Variants in DNAH6 observed in about 807,000 individuals in gnomAD.
The protein encoded by DNAH6 is axonemal beta dynein heavy chain 6.
In DNAH6, 340 loss-of-function variants were observed where a neutral mutation model predicts 491.4. The observed-to-expected ratio is 0.69, with a 90% CI of 0.63 to 0.76. DNAH6 has a LOEUF of 0.76. Among genes scored for constraint, DNAH6 ranks in the 30% least tolerant of loss-of-function variants. The pLI is 0.00. For synonymous variants in DNAH6, 1,603 were observed against 1,686.1 expected (o/e 0.95, Z 1.21); for missense variants, 4,443 against 4,972.2 (o/e 0.89, Z 3.20).
chr2:84,708,346 G>A (rs1008200193), intron 54 of DNAH6, among the ~76,000 whole-genome samples: 2 of 151,744 alleles, frequency 1.3e-5, no homozygotes, highest in African/African-American at 2.4e-5. Context: ...TGGGGAGGCC[G>A]AGGCTGGAAA....
chr2:84,682,082 A>G (rs1028271662), intron 42 of DNAH6, among the ~76,000 whole-genome samples: 3 of 152,170 alleles, frequency 2.0e-5, no homozygotes, highest in African/African-American at 7.2e-5. Context: ...AAGACCTCTT[A>G]AAGAATGGTC....
chr2:84,657,026 T>A (rs1200029810), intron 35 of DNAH6, among the ~76,000 whole-genome samples: 2 of 152,106 alleles, frequency 1.3e-5, no homozygotes, highest in Non-Finnish European at 2.9e-5. Flanking sequence ...AAGGTCTGTG[T>A]CTAGATTTGT....
At chr2:84,638,500 AC>A (rs1282944644) in intron 31 of DNAH6, among the ~76,000 whole-genome samples, 4 of 152,120 alleles carry the variant, frequency 2.6e-5, no homozygotes, top group Non-Finnish European at 4.4e-5. Context: ...ACATTTCATA[AC>A]AAGGGACACT....
Position 84,634,536 on chromosome 2 carries a change from G to C in DNAH6, c.4548G>C (p.Gln1516His). The C allele has an allele frequency of 6.5e-7, 1 of 1,549,064 alleles. No individual in the cohort carries two copies. The highest frequency in any genetic ancestry group is 1.2e-5 in the South Asian group (1 of 83,510). ...GGCGCTTCTTCAGTGGCTTGGCACA[G>C]TCAGGGGCCTGGTGCTGCTTTGATG... ...MMGRFFSGLA[Q>H]SGAWCCFDEF... Residue 1516 changes from glutamine to histidine, a missense_variant, in exon 30 of 77, where the codon CAG becomes CAC. Transcript: ENST00000389394.
the DNAH6 span, among the ~76,000 whole-genome samples, chr2:84,491,562 T>G: frequency 6.6e-6 from 1 of 152,164 alleles, no homozygotes; most frequent in Non-Finnish European, 1.5e-5. Flanking sequence ...GCTTTTACTT[T>G]TTTGCCGTAA....
At chr2:84,729,013 G>T (rs562667110) in intron 61 of DNAH6, among the ~76,000 whole-genome samples, 1 of 152,190 alleles carries the variant, frequency 6.6e-6, no homozygotes, top group East Asian at 1.9e-4. Flanking sequence ...TGAACCTGAT[G>T]CTTTTATTTG....
intron 74 of DNAH6, 72 bp from the exon 75 acceptor site, chr2:84,813,899 G>C: frequency 6.7e-7 from 1 of 1,487,348 alleles, no homozygotes; most frequent in Non-Finnish European, 9.1e-7. Flanking sequence ...AGCCTGGTTT[G>C]GATGAAGGGG....
chr2:84,744,889 A>G (rs1389452616), intron 62 of DNAH6, among the ~76,000 whole-genome samples, 191 bp from the exon 63 acceptor site: 1 of 151,908 alleles, frequency 6.6e-6, no homozygotes, highest in Non-Finnish European at 1.5e-5. Context: ...GTTTGCTGCT[A>G]TTTTCTGATT....
At chr2:84,757,168 G>T (rs1030612620) in intron 63 of DNAH6, among the ~76,000 whole-genome samples, 1 of 152,170 alleles carries the variant, frequency 6.6e-6, no homozygotes, top group African/African-American at 2.4e-5. Flanking sequence ...GAATAGGACA[G>T]AAAAATATCC....
chr2:84,655,238 G>T (rs1690838023), intron 35 of DNAH6, among the ~76,000 whole-genome samples: 2 of 152,092 alleles, frequency 1.3e-5, no homozygotes, highest in Non-Finnish European at 2.9e-5. Flanking sequence ...AAAGATAAAA[G>T]AAAACTCATT....
intron 35 of DNAH6, 53 bp from the exon 36 acceptor site, chr2:84,658,239 C>G (rs1457536433): frequency 1.6e-6 from 2 of 1,267,824 alleles, no homozygotes; most frequent in African/African-American, 1.5e-5. Flanking sequence ...TAATTCTAAA[C>G]TTAATTATAT....
At position 84,624,535 on chromosome 2, in the gene DNAH6, G is replaced by C. The variant is rs1687679501; in HGVS notation, c.4268G>C (p.Cys1423Ser). 1.9e-6 allele frequency: 3 copies of C among 1,551,858 alleles called. No individual in the cohort carries two copies. The highest frequency in any genetic ancestry group is 2.6e-6 in the Non-Finnish European group (3 of 1,146,992). The change falls in exon 28 of 77, where the codon TGT becomes TCT. Residue 1423 changes from cysteine to serine, a missense_variant. By Grantham distance (112) the Cys-to-Ser change is moderately radical. Transcript: ENST00000389394. ...TACTGGGATATAGACCTGGATAATT[G>C]TGTGGCTAGAATGGCGCTCTCTCAG... ...RYYWDIDLDN[C>S]VARMALSQYT... is the part of the protein sequence containing the mutation.
At chr2:84,691,568 G>C (rs774701529) in intron 45 of DNAH6, among the ~76,000 whole-genome samples, 10 of 152,186 alleles carry the variant, frequency 6.6e-5, no homozygotes, top group Admixed American at 6.5e-5. Context: ...GGAAGAGGTT[G>C]ACAAACTACT....
chr2:84,652,760 A>G (rs927502446), intron 33 of DNAH6, among the ~76,000 whole-genome samples: 9 of 152,020 alleles, frequency 5.9e-5, no homozygotes, highest in African/African-American at 2.2e-4. Context: ...CCATTGAAAC[A>G]TCTCATACTA....
chr2:84,553,628 A>ATTTTTTTTTTTTTTT (rs748931607), intron 10 of DNAH6, among the ~76,000 whole-genome samples: 2 of 90,996 alleles, frequency 2.2e-5, no homozygotes, highest in African/African-American at 4.4e-5. Context: ...AGGACTGGCT[A>ATTTTTTTTTTTTTTT]TTTTTTTTTT....
At chr2:84,698,696 A>G (rs949562101) in intron 47 of DNAH6, among the ~76,000 whole-genome samples, 2 of 152,222 alleles carry the variant, frequency 1.3e-5, no homozygotes, top group Admixed American at 6.5e-5. Flanking sequence ...TATATACCCA[A>G]AGGAAAATAA....
chr2:84,521,495 T>C (rs1466607180), intron 2 of DNAH6, among the ~76,000 whole-genome samples: 3 of 152,284 alleles, frequency 2.0e-5, no homozygotes, highest in South Asian at 4.1e-4. Flanking sequence ...CATTTGTCAA[T>C]TTTTGATTTT....
intron 2 of DNAH6, among the ~76,000 whole-genome samples, chr2:84,518,562 C>G (rs1558654861): frequency 6.6e-6 from 1 of 152,336 alleles, no homozygotes; most frequent in Non-Finnish European, 1.5e-5. Context: ...GTTGTCCTCT[C>G]CACCATTAGA....
intron 63 of DNAH6, among the ~76,000 whole-genome samples, chr2:84,746,238 G>A (rs990414011): frequency 6.6e-6 from 1 of 152,102 alleles, no homozygotes; most frequent in African/African-American, 2.4e-5. Context: ...TAAAACTATG[G>A]GAGTTGTTAG....
Sources: allele counts gnomAD v4.1 joint callset (sites outside exome capture counted in the v4.1 genomes callset), GRCh38; gene constraint gnomAD v4.1.1; transcripts MANE v1.5; gene names NCBI Gene and HGNC (gene_info 2026-07-23, HGNC 2026-07-21).